The following ARB2A variants were observed in gnomAD, a reference collection of about 807,000 sequenced individuals.
The protein encoded by ARB2A is cotranscriptional regulator ARB2A.
At chr5:93,941,284 G>A in the ARB2A span, among the ~76,000 whole-genome samples, 1 of 151,856 alleles carries the variant, frequency 6.6e-6, no homozygotes, top group African/African-American at 2.4e-5. Context: ...AATTCAGATT[G>A]CTTCAGCTGA....
the ARB2A span, among the ~76,000 whole-genome samples, chr5:93,933,999 T>C: frequency 3.8e-4 from 58 of 151,980 alleles, 1 homozygote; most frequent in Admixed American, 2.8e-3. Flanking sequence ...AGCAAGACTC[T>C]GTCTCAAACA....
the ARB2A span, among the ~76,000 whole-genome samples, chr5:93,710,040 T>C: frequency 6.6e-6 from 1 of 152,204 alleles, no homozygotes; most frequent in African/African-American, 2.4e-5. Flanking sequence ...GGATGTCTAA[T>C]TCAGTGCATT....
the ARB2A span, among the ~76,000 whole-genome samples, chr5:93,803,940 G>T: frequency 6.6e-6 from 1 of 151,870 alleles, no homozygotes; most frequent in Non-Finnish European, 1.5e-5. Flanking sequence ...GTACACAGCC[G>T]GAGAGAAATA....
At chr5:93,852,067 A>C in the ARB2A span, among the ~76,000 whole-genome samples, 8 of 152,136 alleles carry the variant, frequency 5.3e-5, no homozygotes, top group Non-Finnish European at 1.2e-4. Context: ...TACAGTCCCA[A>C]CAACAGTGTA....
At chr5:93,938,608 C>G in the ARB2A span, among the ~76,000 whole-genome samples, 1 of 152,020 alleles carries the variant, frequency 6.6e-6, no homozygotes, top group Non-Finnish European at 1.5e-5. Flanking sequence ...TATCCTCCAC[C>G]CAAGAGATTC....
chr5:93,961,624 C>T, the ARB2A span, among the ~76,000 whole-genome samples: 8 of 151,874 alleles, frequency 5.3e-5, no homozygotes, highest in African/African-American at 1.9e-4. Flanking sequence ...GTCAAGGCTG[C>T]ACTAAGCCAT....
At chr5:93,872,646 G>A in the ARB2A span, among the ~76,000 whole-genome samples, 6 of 152,010 alleles carry the variant, frequency 3.9e-5, no homozygotes, top group Admixed American at 2.0e-4. Flanking sequence ...GGCCAGGCGC[G>A]GTGGCTGATG....
At chr5:93,940,613 G>GA in the ARB2A span, among the ~76,000 whole-genome samples, 2 of 151,748 alleles carry the variant, frequency 1.3e-5, no homozygotes, top group Non-Finnish European at 1.5e-5. Flanking sequence ...CAGAATATCA[G>GA]AAAAAAATAG....
At chr5:93,966,324 G>A in the ARB2A span, among the ~76,000 whole-genome samples, 1 of 151,924 alleles carries the variant, frequency 6.6e-6, no homozygotes, top group Non-Finnish European at 1.5e-5. Context: ...GACATAATCT[G>A]AGAATTAAAA....
chr5:93,779,071 T>C, the ARB2A span, among the ~76,000 whole-genome samples: 1 of 150,644 alleles, frequency 6.6e-6, no homozygotes, highest in African/African-American at 2.5e-5. Context: ...ACTATACAGA[T>C]TTGATATGGT....
the ARB2A span, among the ~76,000 whole-genome samples, chr5:93,945,273 G>A: frequency 6.6e-6 from 1 of 152,168 alleles, no homozygotes; most frequent in Non-Finnish European, 1.5e-5. Context: ...AATTAGCCAG[G>A]TGTGGTGGCA....
At chr5:93,630,732 T>G in the ARB2A span, among the ~76,000 whole-genome samples, 1 of 151,630 alleles carries the variant, frequency 6.6e-6, no homozygotes, top group African/African-American at 2.4e-5. Flanking sequence ...AACTCAGGAG[T>G]TGGAGGCCAG....
chr5:93,827,820 G>C, the ARB2A span, among the ~76,000 whole-genome samples: 11 of 151,768 alleles, frequency 7.2e-5, no homozygotes, highest in African/African-American at 2.7e-4. Flanking sequence ...CATATGGCTA[G>C]CCAGTTTTCC....
the ARB2A span, among the ~76,000 whole-genome samples, chr5:93,795,633 A>T: frequency 6.6e-6 from 1 of 152,058 alleles, no homozygotes; most frequent in African/African-American, 2.4e-5. Context: ...TTTTCCTTCC[A>T]ACCTGCTAAC....
chr5:93,988,569 T>C, the ARB2A span, among the ~76,000 whole-genome samples: 1 of 152,158 alleles, frequency 6.6e-6, no homozygotes, highest in Non-Finnish European at 1.5e-5. Flanking sequence ...AACACTTAAA[T>C]AATTAATAAT....
chr5:93,944,091 A>AT, the ARB2A span, among the ~76,000 whole-genome samples: 12 of 152,296 alleles, frequency 7.9e-5, no homozygotes, highest in South Asian at 1.2e-3. Context: ...TGTGATGAAT[A>AT]TTGCTACAAA....
At chr5:93,856,448 T>A in the ARB2A span, among the ~76,000 whole-genome samples, 1 of 152,206 alleles carries the variant, frequency 6.6e-6, no homozygotes. Flanking sequence ...TCTTTTCACA[T>A]AGTCCCATAT....
chr5:93,892,428 T>C, the ARB2A span, among the ~76,000 whole-genome samples: 2 of 152,182 alleles, frequency 1.3e-5, no homozygotes, highest in African/African-American at 4.8e-5. Context: ...AAAGTAAAAC[T>C]ACAATTTCAC....
chr5:94,044,987 C>T, the ARB2A span, among the ~76,000 whole-genome samples: 51 of 151,536 alleles, frequency 3.4e-4, no homozygotes, highest in African/African-American at 9.2e-4. Context: ...GGCATGGTGG[C>T]GCTTGCCTGT....
Sources: allele counts gnomAD v4.1 joint callset (sites outside exome capture counted in the v4.1 genomes callset), GRCh38; gene constraint gnomAD v4.1.1; transcripts MANE v1.5; gene names NCBI Gene and HGNC (gene_info 2026-07-23, HGNC 2026-07-21).